PPARD: variants seen among roughly 807,000 people sequenced by gnomAD.
The protein encoded by PPARD is peroxisome proliferator-activated receptor delta.
In PPARD, 6 loss-of-function variants were observed where a neutral mutation model predicts 39.5. That is an observed-to-expected ratio of 0.15 (90% confidence interval 0.08 to 0.30). PPARD has a LOEUF of 0.30. PPARD is among the 10% of genes least tolerant of loss of function. The pLI is 1.00. For synonymous variants in PPARD, 210 were observed against 231.3 expected, an observed-to-expected ratio of 0.91 and a Z score of 0.83; for missense variants, 397 against 596.8, an observed-to-expected ratio of 0.67 and a Z score of 3.49.
Position 35,426,527 on chromosome 6 carries a change from C to G in PPARD, c.*448C>G, listed in dbSNP as rs536316020. ...AAGAGAGTGGGGCCTGCCCTCTGCC[C>G]CATCATTGCACCTGCAGGCTTAGGT... On this transcript the variant is annotated 3_prime_UTR_variant, in exon 8 of 8. Coordinates refer to ENST00000360694, the MANE Select transcript of PPARD (RefSeq NM_006238.5). The G allele has an allele frequency of 3.7e-5, 7 of 189,564 alleles. No individual in the cohort carries two copies. The East Asian group carries it at 6.2e-4, about 17-fold the overall frequency. 11.7% of individuals were successfully genotyped at this position (189,564 alleles called of 1,614,324 possible).
intron 2 of PPARD, among the ~76,000 whole-genome samples, chr6:35,407,032 A>T (rs1765099786): frequency 6.6e-6 from 1 of 152,086 alleles, no homozygotes; most frequent in African/African-American, 2.4e-5. Flanking sequence ...CTTGAGTGGG[A>T]GCGTGACGCA....
At chr6:35,411,952 A>T (rs1010978981) in intron 3 of PPARD, among the ~76,000 whole-genome samples, 1 of 152,094 alleles carries the variant, frequency 6.6e-6, no homozygotes, top group African/African-American at 2.4e-5. Flanking sequence ...TTTTTGAGAC[A>T]AAGTCTCCTT....
chr6:35,417,976 A>G (rs1312509850), intron 3 of PPARD, among the ~76,000 whole-genome samples: 1 of 152,270 alleles, frequency 6.6e-6, no homozygotes, highest in East Asian at 1.9e-4. Flanking sequence ...AAATGACTAG[A>G]CACCTGCTGA....
In PPARD at chr6:35,427,645, C is replaced by T. The variant is rs1205589076; in HGVS notation, c.*1566C>T. The T allele has an allele frequency of 2.0e-5, 3 of 152,368 alleles. No homozygotes were observed. The highest frequency in any genetic ancestry group is 6.5e-5 in the Admixed American group (1 of 15,280). The allele number at this position is 152,368 out of a possible 1,614,324, so 9.4% of individuals were successfully genotyped here. A position where few individuals can be genotyped will look rare whatever the true frequency, so the allele number is the denominator to read the frequency against. ...CGCTCACCTCAGAGCAGGGCCAAAG[C>T]ACAGCTGGGCATGCCATGTCTGAGC... On this transcript the variant is annotated 3_prime_UTR_variant, in exon 8 of 8. Coordinates refer to ENST00000360694, the MANE Select transcript of PPARD (RefSeq NM_006238.5).
chr6:35,402,435 G>C (rs1353765707), intron 2 of PPARD, among the ~76,000 whole-genome samples: 1 of 152,162 alleles, frequency 6.6e-6, no homozygotes, highest in Non-Finnish European at 1.5e-5. Context: ...AGGTGGGTGG[G>C]TGGGCACACC....
chr6:35,376,307 A>G (rs1182440025), intron 2 of PPARD, among the ~76,000 whole-genome samples: 3 of 152,066 alleles, frequency 2.0e-5, no homozygotes, highest in Non-Finnish European at 4.4e-5. Context: ...TCTTAGACAT[A>G]TTGTTGAGCA....
chr6:35,424,642 G>T lies in PPARD; in HGVS notation c.941G>T (p.Arg314Leu). 1 of 1,614,218 alleles carries T rather than the reference G, an allele frequency of 6.2e-7. No homozygotes were observed. Among genetic ancestry groups the T allele is most frequent in the Non-Finnish European group, 8.5e-7 (1 of 1,180,048 alleles). Residue 314 changes from arginine to leucine, a missense_variant, in exon 7 of 8, where the codon CGT becomes CTT. Transcript: ENST00000360694. This position sits in a 1 kb window ranked among gnomAD's most constrained non-coding sequence, Gnocchi z 7.1. ...GCCAACGGCAGTGGCTTTGTCACCCGTGAGTTCCTGCGCAGCCTCCGCAAA... is the reference window on the plus strand; with the variant it reads ...GCCAACGGCAGTGGCTTTGTCACCCTTGAGTTCCTGCGCAGCCTCCGCAAA... ...LVANGSGFVT[R>L]EFLRSLRKPF...
chr6:35,384,186 G>T (rs1581591728), intron 2 of PPARD, among the ~76,000 whole-genome samples: 1 of 135,752 alleles, frequency 7.4e-6, no homozygotes, highest in African/African-American at 2.8e-5. Context: ...CCCTCTGCCC[G>T]GCCAGCGGCC....
At chr6:35,389,863 C>T (rs1224771931) in intron 2 of PPARD, among the ~76,000 whole-genome samples, 1 of 152,032 alleles carries the variant, frequency 6.6e-6, no homozygotes, top group Non-Finnish European at 1.5e-5. Flanking sequence ...GATTTCAGAC[C>T]CTCACCCTCT....
Position 35,427,217 on chromosome 6 carries a change from TC to T in PPARD, c.*1143del, listed in dbSNP as rs1362502600. The stretch of plus-strand genomic sequence containing the variant: ...GGCTCCACGGGAGTTCAGGCCCCAC[TC>T]CCCCTGAAGCTGCCCCTCCAGCACA... On this transcript the variant is annotated 3_prime_UTR_variant, in exon 8 of 8. Coordinates refer to ENST00000360694, the MANE Select transcript of PPARD (RefSeq NM_006238.5). 3 of 160,750 alleles carry T rather than the reference TC, an allele frequency of 1.9e-5. No individual in the cohort carries two copies. The highest frequency in any genetic ancestry group is 4.1e-5 in the Non-Finnish European group (3 of 73,578). The allele number at this position is 160,750 out of a possible 1,614,324, so 10.0% of individuals were successfully genotyped here.
chr6:35,364,536 C>A (rs1438468703), intron 2 of PPARD, among the ~76,000 whole-genome samples: 4 of 150,696 alleles, frequency 2.7e-5, no homozygotes, highest in Admixed American at 6.6e-5. Flanking sequence ...CTGGTTCAAG[C>A]AATTTCCCTG....
chr6:35,350,661 C>T lies in PPARD; in HGVS notation c.-102+3511C>T, dbSNP rs1018079649. Among the ~76,000 whole-genome samples the T allele has an allele frequency of 4.4e-3, 45 of 10,154 alleles. 1 individual carries two copies. The highest frequency in any genetic ancestry group is 6.8e-3 in the Admixed American group (7 of 1,028). The allele number at this position is 10,154 out of a possible 152,430, so 6.7% of individuals were successfully genotyped here. The stretch of plus-strand genomic sequence containing the variant: ...TCTGAGACAGAGTTTTGCTCTGTTG[C>T]CCAGGATGGAGTGCAGTGGCGTGGC... On this transcript the variant is annotated intron_variant, in intron 2 of 7. Coordinates refer to ENST00000360694, the MANE Select transcript of PPARD (RefSeq NM_006238.5).
rs199864627 is a variant in PPARD at position 35,347,058 on chromosome 6, A to G, written c.-185-9A>G. 1.8e-4 allele frequency: 270 copies of G among 1,516,622 alleles called. 5 individuals carry two copies. In the African/African-American group the frequency reaches 2.4e-3, roughly 13 times the overall value. 93.9% of individuals were successfully genotyped at this position (1,516,622 alleles called of 1,614,324 possible). On this transcript the variant is annotated splice_polypyrimidine_tract_variant and intron_variant, in intron 1 of 7. Transcript: ENST00000360694. ...AGCTAAAGCTGTTGGGGTTTTTTCT[A>G]TCCTGCAGTGTTGTACAGTGTTTTG...
chr6:35,379,665 G>A (rs1763028327), intron 2 of PPARD, among the ~76,000 whole-genome samples: 1 of 152,220 alleles, frequency 6.6e-6, no homozygotes, highest in African/African-American at 2.4e-5. Flanking sequence ...ATGCAAGTGT[G>A]TCCCTTTGAC....
chr6:35,409,523 AC>A (rs369106203), intron 2 of PPARD, among the ~76,000 whole-genome samples: 61 of 143,928 alleles, frequency 4.2e-4, no homozygotes, highest in African/African-American at 1.1e-3. Flanking sequence ...AACAACAACA[AC>A]AAAAAAACCC....
At chr6:35,349,090 A>C in intron 2 of PPARD, 1 of 896,852 alleles carries the variant, frequency 1.1e-6, no homozygotes, top group African/African-American at 1.9e-5. Flanking sequence ...CAGTGGCGCG[A>C]TCTAGGCTCA....
At chr6:35,386,047 C>G (rs754092676) in intron 2 of PPARD, among the ~76,000 whole-genome samples, 2 of 152,046 alleles carry the variant, frequency 1.3e-5, no homozygotes, top group African/African-American at 2.4e-5. Flanking sequence ...ACCCTCCTGT[C>G]CTCGGGAGGA....
chr6:35,393,166 T>C (rs555179589), intron 2 of PPARD, among the ~76,000 whole-genome samples: 1 of 152,280 alleles, frequency 6.6e-6, no homozygotes, highest in Non-Finnish European at 1.5e-5. Flanking sequence ...TGGGGAGTTC[T>C]TATTCCCCTG....
rs541254504 is a variant in PPARD at position 35,363,201 on chromosome 6, T to C, written c.-102+16051T>C. Among the ~76,000 whole-genome samples, 3 of 152,320 alleles carry C rather than the reference T, an allele frequency of 2.0e-5. No individual in the cohort carries two copies. In the East Asian group the frequency reaches 5.8e-4, roughly 29 times the overall value. The stretch of plus-strand genomic sequence containing the variant: ...TGGCAGTAGGCAAGGAGAAGGCCTT[T>C]CTGAGCACTGAGGGTCAGTGGCTTC... On this transcript the variant is annotated intron_variant, in intron 2 of 7. Transcript: ENST00000360694. The surrounding 1 kb of genome is among the most constrained non-coding windows in gnomAD (Gnocchi z 4.5).
Sources: gnomAD v4.1 joint callset for allele counts (sites outside exome capture counted in the v4.1 genomes callset) on GRCh38, gnomAD v4.1.1 for gene constraint, Gnocchi (gnomAD v3.1) non-coding constraint, MANE v1.5 for transcripts, NCBI Gene and HGNC (gene_info 2026-07-23, HGNC 2026-07-21) for gene names.